BCKDHB: variants seen among roughly 807,000 people sequenced by gnomAD.
BCKDHB encodes 2-oxoisovalerate dehydrogenase subunit beta, mitochondrial.
Under a neutral mutation model 48.5 loss-of-function variants are expected in BCKDHB, and 41 were observed. The observed-to-expected ratio is 0.85, with a 90% CI of 0.66 to 1.10. The LOEUF is 1.10. Ranked by LOEUF, BCKDHB falls within the 50% of genes least tolerant of loss-of-function variation. The probability of loss-of-function intolerance (pLI) is 0.00; values close to 1 mark genes in which losing one functional copy is unlikely to be tolerated. For missense variants in BCKDHB, 496 were observed against 494.2 expected, an observed-to-expected ratio of 1.00 and a Z score of -0.03; for synonymous variants, 201 against 174.8, an observed-to-expected ratio of 1.15 and a Z score of -1.18.
the BCKDHB span, among the ~76,000 whole-genome samples, chr6:80,456,639 G>C: frequency 6.6e-6 from 1 of 152,230 alleles, no homozygotes; most frequent in Non-Finnish European, 1.5e-5. Flanking sequence ...GGTCCTGCCA[G>C]TTGTCCCTTA....
At chr6:80,458,966 C>A in the BCKDHB span, among the ~76,000 whole-genome samples, 10 of 152,018 alleles carry the variant, frequency 6.6e-5, no homozygotes, top group African/African-American at 2.2e-4. Flanking sequence ...TTTTAAAAAA[C>A]CCACAAAATA....
chr6:80,202,034 G>T (rs958823250), intron 7 of BCKDHB, among the ~76,000 whole-genome samples: 1 of 151,784 alleles, frequency 6.6e-6, no homozygotes, highest in Non-Finnish European at 1.5e-5. Flanking sequence ...GTCCTTGGTG[G>T]GTGTGGCAAA....
intron 6 of BCKDHB, 99 bp from the exon 7 acceptor site, chr6:80,200,835 A>G (rs1341620730): frequency 3.1e-6 from 3 of 967,480 alleles, no homozygotes; most frequent in African/African-American, 1.6e-5. Context: ...AACAAAAAAT[A>G]AAATAAAGCT....
the BCKDHB span, among the ~76,000 whole-genome samples, chr6:80,374,885 A>C: frequency 8.5e-5 from 13 of 152,284 alleles, no homozygotes; most frequent in African/African-American, 2.6e-4. Context: ...TCTGGAAAAG[A>C]CTGTATCTTT....
chr6:80,410,430 G>A, the BCKDHB span, among the ~76,000 whole-genome samples: 1 of 152,110 alleles, frequency 6.6e-6, no homozygotes, highest in Non-Finnish European at 1.5e-5. Flanking sequence ...GTGTGTTCGA[G>A]TTGCTCTTCT....
At chr6:80,384,159 CAGT>C in the BCKDHB span, among the ~76,000 whole-genome samples, 1 of 151,992 alleles carries the variant, frequency 6.6e-6, no homozygotes, top group Non-Finnish European at 1.5e-5. Flanking sequence ...ACATTTGAGT[CAGT>C]GGGCTGGGAA....
chr6:80,271,339 G>T (rs1195261661), intron 8 of BCKDHB, among the ~76,000 whole-genome samples: 1 of 152,126 alleles, frequency 6.6e-6, no homozygotes, highest in Admixed American at 6.6e-5. Context: ...CTGCTGAGGA[G>T]TGCTCAGAAG....
intron 8 of BCKDHB, among the ~76,000 whole-genome samples, chr6:80,216,101 A>G (rs1214008492): frequency 6.6e-6 from 1 of 152,198 alleles, no homozygotes; most frequent in East Asian, 1.9e-4. Flanking sequence ...AGTTAAAACT[A>G]CATATGTTAT....
rs192977584 is a variant in BCKDHB, at chr6:80,282,046, A to G, written c.1038+8825A>G. On this transcript the variant is annotated intron_variant, in intron 9 of 9. Coordinates refer to ENST00000320393, the MANE Select transcript of BCKDHB (RefSeq NM_183050.4). ...AAAAACAAGCATGATTTTAAAAACA[A>G]TGACAAATGAGAATATGTTGTAACA... Among the ~76,000 whole-genome samples, 473 of 152,286 alleles carry G rather than the reference A, an allele frequency of 3.1e-3. 1 individual carries two copies. The highest frequency in any genetic ancestry group is 0.011 in the African/African-American group (455 of 41,566).
At chr6:80,273,305 A>G (rs1162673729) in intron 9 of BCKDHB, 84 bp downstream of exon 9, 1 of 1,131,310 alleles carries the variant, frequency 8.8e-7, no homozygotes, top group Admixed American at 1.8e-5. Flanking sequence ...TTATCACAAT[A>G]TGTGAAAGCA....
At chr6:80,407,868 C>G in the BCKDHB span, among the ~76,000 whole-genome samples, 5 of 152,136 alleles carry the variant, frequency 3.3e-5, no homozygotes, top group Non-Finnish European at 5.9e-5. Flanking sequence ...CCTGATTGCC[C>G]TGGCTGGAAC....
At chr6:80,331,230 A>G (rs908907997) in intron 9 of BCKDHB, among the ~76,000 whole-genome samples, 9 of 152,138 alleles carry the variant, frequency 5.9e-5, no homozygotes, top group African/African-American at 1.9e-4. Flanking sequence ...ATTTCCTTCC[A>G]TGGAAATTGA....
At chr6:80,392,403 G>A in the BCKDHB span, among the ~76,000 whole-genome samples, 11 of 151,368 alleles carry the variant, frequency 7.3e-5, no homozygotes, top group East Asian at 7.8e-4. Context: ...TATTAACACC[G>A]CATGTAGATA....
chr6:80,229,477 C>T (rs147840610), intron 8 of BCKDHB, among the ~76,000 whole-genome samples: 28 of 152,008 alleles, frequency 1.8e-4, no homozygotes, highest in African/African-American at 5.3e-4. Context: ...TGGTTGTAGT[C>T]GGGTAAGCAA....
intron 9 of BCKDHB, among the ~76,000 whole-genome samples, chr6:80,316,003 G>A (rs748389171): frequency 6.6e-6 from 1 of 152,190 alleles, no homozygotes; most frequent in Non-Finnish European, 1.5e-5. Context: ...ATCAGTTAGA[G>A]CCTTTTAAAA....
chr6:80,120,144 G>T (rs1056602450), intron 1 of BCKDHB, among the ~76,000 whole-genome samples: 4 of 152,136 alleles, frequency 2.6e-5, no homozygotes, highest in Non-Finnish European at 4.4e-5. Context: ...AGTTTGCTGA[G>T]AATGATGGTT....
At chr6:80,193,268 A>T (rs114610644) in intron 6 of BCKDHB, among the ~76,000 whole-genome samples, 1 of 152,196 alleles carries the variant, frequency 6.6e-6, no homozygotes, top group Non-Finnish European at 1.5e-5. Flanking sequence ...TTCTGTTTCA[A>T]GTTAATATTG....
chr6:80,276,458 T>A (rs1296924954), intron 9 of BCKDHB, among the ~76,000 whole-genome samples: 2 of 151,878 alleles, frequency 1.3e-5, no homozygotes, highest in African/African-American at 4.8e-5. Context: ...GATAGAAAAA[T>A]TATGCTATAT....
the BCKDHB span, among the ~76,000 whole-genome samples, chr6:80,391,175 ATATGTG>A: frequency 1.4e-5 from 2 of 144,014 alleles, no homozygotes; most frequent in East Asian, 2.0e-4. Context: ...ATGCATATAT[ATATGTG>A]TGTGTGTGTG....
Sources: allele counts gnomAD v4.1 joint callset (sites outside exome capture counted in the v4.1 genomes callset), GRCh38; gene constraint gnomAD v4.1.1; transcripts MANE v1.5; gene names NCBI Gene and HGNC (gene_info 2026-07-23, HGNC 2026-07-21).